Variants in THSD4 observed in about 807,000 individuals in gnomAD.
THSD4 encodes thrombospondin type 1 domain containing 4.
THSD4 carries 69 observed loss-of-function variants against 119.0 expected under a neutral mutation model. The ratio of observed to expected loss-of-function variants is 0.58; its 90% CI spans 0.48 to 0.71. The LOEUF (loss-of-function observed/expected upper bound fraction) is 0.71. Among genes scored for constraint, THSD4 ranks in the 30% least tolerant of loss-of-function variants. The pLI, the probability that THSD4 is intolerant of heterozygous loss-of-function variation, is 0.00. For synonymous variants in THSD4, 524 were observed against 540.4 expected (o/e 0.97, Z 0.42); for missense variants, 1,393 against 1,391.1 (o/e 1.00, Z -0.02).
At chr15:71,311,884 G>A (rs911912791) in intron 6 of THSD4, among the ~76,000 whole-genome samples, 4 of 152,118 alleles carry the variant, frequency 2.6e-5, no homozygotes, top group African/African-American at 9.6e-5. Context: ...TCACCCTAGT[G>A]CGTACCCCAT....
At chr15:71,140,725 A>T (rs1207728375) in intron 1 of THSD4, among the ~76,000 whole-genome samples, 1 of 152,192 alleles carries the variant, frequency 6.6e-6, no homozygotes, top group Non-Finnish European at 1.5e-5. Flanking sequence ...TTTATTTCCC[A>T]TACGTTTCAC....
intron 7 of THSD4, among the ~76,000 whole-genome samples, chr15:71,504,992 C>T (rs2048166973): frequency 6.6e-6 from 1 of 152,094 alleles, no homozygotes; most frequent in Admixed American, 6.6e-5. Context: ...ATGAGTTTTT[C>T]AGATGTTTTT....
At chr15:71,335,222 G>C (rs2045475351) in intron 6 of THSD4, among the ~76,000 whole-genome samples, 1 of 152,146 alleles carries the variant, frequency 6.6e-6, no homozygotes, top group African/African-American at 2.4e-5. Flanking sequence ...CTCACGTTCA[G>C]GAAATGCAAA....
chr15:71,154,796 G>C, intron 2 of THSD4, 67 bp from the exon 3 acceptor site: 2 of 1,521,404 alleles, frequency 1.3e-6, no homozygotes, highest in Non-Finnish European at 1.8e-6. Context: ...TGGCGATGCT[G>C]CCTTCCCTGG....
intron 8 of THSD4, among the ~76,000 whole-genome samples, chr15:71,716,298 A>C (rs1250824933): frequency 6.6e-6 from 1 of 152,172 alleles, no homozygotes; most frequent in Non-Finnish European, 1.5e-5. Flanking sequence ...AGCTCATCTA[A>C]ATAACATCTT....
intron 6 of THSD4, among the ~76,000 whole-genome samples, chr15:71,391,481 G>A (rs1412138030): frequency 6.6e-6 from 1 of 152,282 alleles, no homozygotes; most frequent in Middle Eastern, 3.4e-3. Context: ...ACCCAGACTG[G>A]TTGGCTAAAT....
At chr15:71,270,529 T>A (rs2044515964) in intron 6 of THSD4, among the ~76,000 whole-genome samples, 2 of 152,162 alleles carry the variant, frequency 1.3e-5, no homozygotes. Flanking sequence ...AATTACCCCA[T>A]CAGGTGGGAA....
chr15:71,744,442 T>C (rs996270388), intron 11 of THSD4, among the ~76,000 whole-genome samples: 2 of 152,120 alleles, frequency 1.3e-5, no homozygotes, highest in Non-Finnish European at 2.9e-5. Flanking sequence ...TGAAATACCA[T>C]TGGATGGGTA....
intron 7 of THSD4, among the ~76,000 whole-genome samples, chr15:71,628,805 C>G (rs1020950213): frequency 2.0e-5 from 3 of 152,158 alleles, no homozygotes; most frequent in African/African-American, 4.8e-5. Context: ...GTTTGGGAAG[C>G]CCCCACCTTG....
chr15:71,256,045 TAA>T (rs2044312093), intron 5 of THSD4, among the ~76,000 whole-genome samples: 1 of 152,224 alleles, frequency 6.6e-6, no homozygotes, highest in Non-Finnish European at 1.5e-5. Flanking sequence ...GGGAGCTTGT[TAA>T]AAGTTTCTTG....
At chr15:71,245,272 T>C (rs2044190190) in intron 5 of THSD4, among the ~76,000 whole-genome samples, 1 of 152,094 alleles carries the variant, frequency 6.6e-6, no homozygotes, top group South Asian at 2.1e-4. Context: ...CTGTTCCAAG[T>C]CCACATCCTG....
chr15:71,351,032 C>T (rs76969456), intron 6 of THSD4, among the ~76,000 whole-genome samples: 10 of 152,218 alleles, frequency 6.6e-5, no homozygotes, highest in East Asian at 1.9e-4. Context: ...GTTGGGGTAC[C>T]GATGACCTCT....
In THSD4 at chr15:71,720,036, CT is replaced by C. The variant is rs1200407782; in HGVS notation, c.1358-8497del. Among the ~76,000 whole-genome samples, 68 of 101,976 alleles carry C rather than the reference CT, an allele frequency of 6.7e-4. No individual in the cohort carries two copies. In the East Asian group the frequency reaches 0.015, roughly 23 times the overall value. 66.9% of individuals were successfully genotyped at this position (101,976 alleles called of 152,430 possible). ...AATAACATGTGCTTTTTTTTTTTTT[CT>C]TTTTTTTTTTTTTTTGAGACACGGT... On this transcript the variant is annotated intron_variant, in intron 8 of 17. Coordinates refer to ENST00000261862, the MANE Select transcript of THSD4 (RefSeq NM_024817.3).
chr15:71,304,852 A>T (rs2045001994), intron 6 of THSD4, among the ~76,000 whole-genome samples: 1 of 152,244 alleles, frequency 6.6e-6, no homozygotes, highest in Non-Finnish European at 1.5e-5. Context: ...AAGCTCATTA[A>T]TCATCCTGGC....
intron 6 of THSD4, among the ~76,000 whole-genome samples, chr15:71,291,812 C>G (rs1255320768): frequency 6.6e-6 from 1 of 152,104 alleles, no homozygotes; most frequent in Non-Finnish European, 1.5e-5. Flanking sequence ...AACACATAAC[C>G]TACCATTTGC....
At chr15:71,168,430 CT>C (rs74473756) in intron 3 of THSD4, among the ~76,000 whole-genome samples, 20 of 151,560 alleles carry the variant, frequency 1.3e-4, no homozygotes, top group Admixed American at 2.6e-4. Context: ...ACTGCTCAAA[CT>C]TTTTTTTTGT....
At chr15:71,486,536 C>T (rs2047821035) in intron 7 of THSD4, among the ~76,000 whole-genome samples, 1 of 151,850 alleles carries the variant, frequency 6.6e-6, no homozygotes. Flanking sequence ...GTTATGCATG[C>T]AGTTATCGCT....
intron 7 of THSD4, among the ~76,000 whole-genome samples, chr15:71,498,491 G>A (rs906006990): frequency 3.9e-5 from 6 of 152,068 alleles, no homozygotes; most frequent in African/African-American, 1.4e-4. Flanking sequence ...AAATCCCATG[G>A]CTGCCTCTCC....
At chr15:71,104,908 G>C (rs1006339715) in intron 1 of THSD4, among the ~76,000 whole-genome samples, 3 of 152,178 alleles carry the variant, frequency 2.0e-5, no homozygotes, top group African/African-American at 7.2e-5. Flanking sequence ...GAGTGACTTA[G>C]CCCTTGTCCG....
Sources: allele counts gnomAD v4.1 joint callset (sites outside exome capture counted in the v4.1 genomes callset), GRCh38; gene constraint gnomAD v4.1.1; transcripts MANE v1.5; gene names NCBI Gene and HGNC (gene_info 2026-07-23, HGNC 2026-07-21).